Variants in SLC8A2 observed in about 807,000 individuals in gnomAD.
SLC8A2 encodes the protein sodium/calcium exchanger 2.
SLC8A2 carries 14 observed loss-of-function variants against 70.2 expected under a neutral mutation model. The ratio of observed to expected loss-of-function variants is 0.20; its 90% CI spans 0.13 to 0.31. The LOEUF is 0.31. Ranked by LOEUF, SLC8A2 falls within the 10% of genes least tolerant of loss-of-function variation. The probability of loss-of-function intolerance (pLI) is 1.00; values close to 1 mark genes in which losing one functional copy is unlikely to be tolerated. For missense variants in SLC8A2, 779 were observed against 1,320.1 expected (o/e 0.59, Z 6.35); for synonymous variants, 575 against 594.3 (o/e 0.97, Z 0.47).
At chr19:47,438,256 C>T (rs1489356074) in intron 6 of SLC8A2, among the ~76,000 whole-genome samples, 2 of 152,128 alleles carry the variant, frequency 1.3e-5, no homozygotes, top group East Asian at 1.9e-4. Flanking sequence ...CCTTAGTTTT[C>T]ATAACTGTTA....
Position 47,464,830 on chromosome 19 carries a change from G to C in SLC8A2, c.675+899C>G, listed in dbSNP as rs142353707. On this transcript the variant is annotated intron_variant, in intron 2 of 9. Transcript: ENST00000236877. ...TTATGCAAATGTAGGAGGCAGTCAC[G>C]GGGTTGTGGGAAATACATTAGGCAA... Among the ~76,000 whole-genome samples the C allele has an allele frequency of 3.0e-4, 46 of 152,324 alleles. 1 individual carries two copies. The East Asian group carries it at 7.5e-3, about 25-fold the overall frequency.
In SLC8A2 at chr19:47,430,030, AG is replaced by A; in HGVS notation, c.*58del. The A allele has an allele frequency of 6.7e-7, 1 of 1,503,126 alleles. No individual in the cohort carries two copies. Among genetic ancestry groups the A allele is most frequent in the Non-Finnish European group, 8.9e-7 (1 of 1,121,382 alleles). 93.1% of individuals were successfully genotyped at this position (1,503,126 alleles called of 1,614,324 possible). ...GAAAAGGAGACCAGGGTCCAAGAGC[AG>A]GTGCAGCCGAGTCCCTAGCCCCGGG... On this transcript the variant is annotated 3_prime_UTR_variant, in exon 10 of 10. Transcript: ENST00000236877. The surrounding 1 kb of genome is among the most constrained non-coding windows in gnomAD (Gnocchi z 5.9).
At position 47,447,618 on chromosome 19, in the gene SLC8A2, ACGTCGTGGGCATGGGTCACAG is replaced by A; in HGVS notation, c.1763+170_1763+190del. On this transcript the variant is annotated intron_variant, in intron 4 of 9. Coordinates refer to ENST00000236877, the MANE Select transcript of SLC8A2 (RefSeq NM_015063.3). The surrounding 1 kb of genome is among the most constrained non-coding windows in gnomAD (Gnocchi z 5.1). ...CCAGCTGTTCAGTGAAGCCCCGCCCACGTCGTGGGCATGGGTCACAGGCCCCGCCCACGTTGCGGGCACGGC... is the reference window on the plus strand; with the variant it reads ...CCAGCTGTTCAGTGAAGCCCCGCCCAGCCCCGCCCACGTTGCGGGCACGGC... 1 of 391,438 alleles carries A rather than the reference ACGTCGTGGGCATGGGTCACAG, an allele frequency of 2.6e-6. No individual in the cohort carries two copies. Among genetic ancestry groups the A allele is most frequent in the Non-Finnish European group, 4.4e-6 (1 of 226,336 alleles). The allele number at this position is 391,438 out of a possible 1,614,324, so 24.2% of individuals were successfully genotyped here.
chr19:47,449,234 C>T (rs1285220954), intron 3 of SLC8A2, among the ~76,000 whole-genome samples: 1 of 151,916 alleles, frequency 6.6e-6, no homozygotes, highest in Non-Finnish European at 1.5e-5. Flanking sequence ...GTCAAGAAAG[C>T]CTTTTGGAGG....
Position 47,437,556 on chromosome 19 carries a change from C to G in SLC8A2, c.2016G>C (p.Thr672=). The G allele has an allele frequency of 6.2e-7, 1 of 1,612,290 alleles. No individual in the cohort carries two copies. The highest frequency in any genetic ancestry group is 8.5e-7 in the Non-Finnish European group (1 of 1,178,448). ...TCGTTTTCTTGATGAGTTTATCCAC[C>G]GTGTTCTGGGGATGAGAGGGTGGGG... ...IIEESYDFKN[T]VDKLIKKTNL... is the part of the protein sequence containing the mutation. The change falls in exon 8 of 10, where the codon ACG becomes ACC. Residue 672 remains threonine, a synonymous_variant. Coordinates refer to ENST00000236877, the MANE Select transcript of SLC8A2 (RefSeq NM_015063.3).
chr19:47,435,617 C>T (rs577309067), intron 8 of SLC8A2, among the ~76,000 whole-genome samples: 4 of 150,098 alleles, frequency 2.7e-5, no homozygotes, highest in Admixed American at 2.7e-4. Flanking sequence ...GGTGCTATCT[C>T]GGCTCACCGC....
At chr19:47,449,507 A>G (rs1299344642) in intron 3 of SLC8A2, among the ~76,000 whole-genome samples, 1 of 152,046 alleles carries the variant, frequency 6.6e-6, no homozygotes, top group African/African-American at 2.4e-5. Context: ...ACTTTTTTGT[A>G]GAGACAGGGT....
At chr19:47,438,083 G>T in intron 6 of SLC8A2, 110 bp from the exon 7 acceptor site, 2 of 1,402,060 alleles carry the variant, frequency 1.4e-6, no homozygotes, top group Non-Finnish European at 2.0e-6. Context: ...GTTCTCCTCT[G>T]GGAAGCTCCT....
intron 5 of SLC8A2, 38 bp downstream of exon 5, chr19:47,441,299 C>A: frequency 1.3e-6 from 2 of 1,584,730 alleles, no homozygotes; most frequent in Non-Finnish European, 1.7e-6. Flanking sequence ...CGACCCTGGA[C>A]CCCTTACTTC....
At position 47,428,251 on chromosome 19, in the gene SLC8A2, G is replaced by A. The variant is rs914323571; in HGVS notation, c.*1838C>T. The A allele has an allele frequency of 2.0e-5, 3 of 152,000 alleles. No individual in the cohort carries two copies. Among genetic ancestry groups the A allele is most frequent in the African/African-American group, 7.3e-5 (3 of 41,308 alleles). 9.4% of individuals were successfully genotyped at this position (152,000 alleles called of 1,614,324 possible). A position where few individuals can be genotyped will look rare whatever the true frequency, so the allele number is the denominator to read the frequency against. On this transcript the variant is annotated 3_prime_UTR_variant, in exon 10 of 10. Coordinates refer to ENST00000236877, the MANE Select transcript of SLC8A2 (RefSeq NM_015063.3). Reference sequence around the variant, plus strand: ...TAGTGGAAGAGCTAGGCTGATGAATGGGGGCGTGGTTAGTGGAAACCCGTA... The same window carrying A: ...TAGTGGAAGAGCTAGGCTGATGAATAGGGGCGTGGTTAGTGGAAACCCGTA...
chr19:47,453,353 T>C (rs1045323456), intron 3 of SLC8A2, among the ~76,000 whole-genome samples: 16 of 152,206 alleles, frequency 1.1e-4, no homozygotes. Flanking sequence ...AGTGCACAGC[T>C]TCAACAACTG....
chr19:47,443,002 C>T (rs1434318536), intron 4 of SLC8A2, among the ~76,000 whole-genome samples: 2 of 152,042 alleles, frequency 1.3e-5, no homozygotes, highest in Non-Finnish European at 2.9e-5. Flanking sequence ...TAAATATCAC[C>T]TTCTAACACC....
chr19:47,452,453 T>A (rs1315155930), intron 3 of SLC8A2, among the ~76,000 whole-genome samples: 419 of 121,582 alleles, frequency 3.4e-3, no homozygotes, highest in East Asian at 4.3e-3. Context: ...AGAGTGTGTG[T>A]GTGTGTGTGT....
At position 47,457,106 on chromosome 19, in the gene SLC8A2, G is replaced by C. The variant is rs367689270; in HGVS notation, c.1164C>G (p.Asp388Glu). Residue 388 changes from aspartate (D) to glutamate (E), a missense_variant, in exon 3 of 10, where the codon GAC becomes GAG. Asp to Glu is a conservative substitution (Grantham distance 45). This residue lies in a region of SLC8A2 where 186 missense variants were observed against 246.6 expected (regional missense o/e 0.75). Transcript: ENST00000236877. Reference protein sequence around the residue: ...RAAPAEGAGEDEDDGASRIFF... With the variant: ...RAAPAEGAGEEEDDGASRIFF... ...AGATGCGGCTGGCGCCGTCGTCTTC[G>C]TCCTCGCCCGCGCCCTCGGCCGGCG... The C allele has an allele frequency of 6.4e-7, 1 of 1,555,026 alleles. No homozygotes were observed. Among genetic ancestry groups the C allele is most frequent in the Admixed American group, 2.0e-5 (1 of 51,208 alleles).
At chr19:47,452,439 AGAGAGAGTGTGT>A (rs1368407518) in intron 3 of SLC8A2, among the ~76,000 whole-genome samples, 307 of 77,656 alleles carry the variant, frequency 4.0e-3, no homozygotes, top group Middle Eastern at 7.0e-3. Flanking sequence ...AGAGAGAGAG[AGAGAGAGTGTGT>A]GTGTGTGTGT....
chr19:47,448,201 C>T lies in SLC8A2; in HGVS notation c.1371G>A (p.Glu457=). Residue 457 remains glutamate (E), a synonymous_variant, in exon 4 of 10, where the codon GAG becomes GAA. Coordinates refer to ENST00000236877, the MANE Select transcript of SLC8A2 (RefSeq NM_015063.3). The surrounding 1 kb of genome is among the most constrained non-coding windows in gnomAD (Gnocchi z 4.8). The part of the protein sequence containing the change: ...SEGTLVFKPG[E]TQKELRIGII... The stretch of plus-strand genomic sequence containing the variant: ...TGCCGATGCGCAGCTCCTTCTGCGT[C>T]TCGCCTGGTTTGAACACCAGCGTGC... The T allele has an allele frequency of 1.2e-6, 2 of 1,607,954 alleles. No homozygotes were observed.
Position 47,451,017 on chromosome 19 carries a change from T to G in SLC8A2, c.1341-2786A>C, listed in dbSNP as rs1468621428. The stretch of plus-strand genomic sequence containing the variant: ...ATTGTAGCACTATCTTTTTTTTTTT[T>G]TTTTTTTTTTTGAGACGGAGTCACC... On this transcript the variant is annotated intron_variant, in intron 3 of 9. Transcript: ENST00000236877. 2.7e-5 allele frequency among the ~76,000 whole-genome samples: 4 copies of G among 146,944 alleles called. No homozygotes were observed. The East Asian group carries it at 8.0e-4, about 29-fold the overall frequency.
intron 8 of SLC8A2, among the ~76,000 whole-genome samples, chr19:47,434,546 G>A (rs830153): frequency 0.11 from 16,860 of 152,172 alleles, 985 homozygotes; most frequent in Middle Eastern, 0.17. Flanking sequence ...TGCTGTCAAC[G>A]GTCTCGGACA....
intron 2 of SLC8A2, among the ~76,000 whole-genome samples, chr19:47,459,381 C>T (rs1198740923): frequency 1.3e-5 from 2 of 152,046 alleles, no homozygotes; most frequent in Admixed American, 1.3e-4. Context: ...GCTCCATCTC[C>T]TTCTTTTGTA....
Sources: gnomAD v4.1 joint callset for allele counts (sites outside exome capture counted in the v4.1 genomes callset) on GRCh38, gnomAD v4.1.1 for gene constraint, gnomAD v4.1.1 regional missense constraint, Gnocchi (gnomAD v3.1) non-coding constraint, MANE v1.5 for transcripts, NCBI Gene and HGNC (gene_info 2026-07-23, HGNC 2026-07-21) for gene names.